Variants in ATP8A2 observed in about 807,000 individuals in gnomAD.
ATP8A2 encodes phospholipid-transporting ATPase IB.
Under a neutral mutation model 165.6 loss-of-function variants are expected in ATP8A2, and 100 were observed. The observed-to-expected ratio is 0.60, with a 90% CI of 0.51 to 0.71. ATP8A2 has a LOEUF of 0.71. Ranked by LOEUF, ATP8A2 falls within the 30% of genes least tolerant of loss-of-function variation. The pLI is 0.00. For missense variants in ATP8A2, 1,227 were observed against 1,479.5 expected (o/e 0.83, Z 2.80); for synonymous variants, 543 against 548.8 (o/e 0.99, Z 0.15).
chr13:25,783,999 A>G (rs1329361479), intron 27 of ATP8A2, among the ~76,000 whole-genome samples: 1 of 152,116 alleles, frequency 6.6e-6, no homozygotes, highest in East Asian at 1.9e-4. Context: ...AGCCAGAGAA[A>G]TACTAGCAGT....
chr13:25,609,534 G>GGGATTCAAATATCTATATATATATTT (rs2040604250), intron 24 of ATP8A2, among the ~76,000 whole-genome samples: 1 of 42,216 alleles, frequency 2.4e-5, no homozygotes, highest in Non-Finnish European at 7.2e-5. Flanking sequence ...ATATATATTT[G>GGGATTCAAATATCTATATATATATTT]GGATTCAAAT....
At chr13:25,503,337 A>G (rs913192569) in intron 2 of ATP8A2, among the ~76,000 whole-genome samples, 18 of 152,190 alleles carry the variant, frequency 1.2e-4, no homozygotes, top group African/African-American at 4.3e-4. Flanking sequence ...CCGAATGAAA[A>G]GGGAAGTAAC....
chr13:25,385,031 A>G (rs549277572), intron 1 of ATP8A2, among the ~76,000 whole-genome samples: 2 of 152,320 alleles, frequency 1.3e-5, no homozygotes, highest in African/African-American at 4.8e-5. Flanking sequence ...CATGTTCCAT[A>G]AACAGTGGGG....
intron 33 of ATP8A2, among the ~76,000 whole-genome samples, chr13:25,940,337 C>CA (rs756687068): frequency 2.0e-5 from 3 of 152,196 alleles, no homozygotes; most frequent in Non-Finnish European, 4.4e-5. Context: ...CCTTGGCCTT[C>CA]AGAGCTGCCG....
At chr13:25,461,744 T>C (rs192210383) in intron 1 of ATP8A2, among the ~76,000 whole-genome samples, 4 of 152,156 alleles carry the variant, frequency 2.6e-5, no homozygotes, top group African/African-American at 7.2e-5. Flanking sequence ...GGTTGTGAAT[T>C]GCAAAAGAAC....
At chr13:26,018,024 G>T (rs1358647974) in intron 36 of ATP8A2, among the ~76,000 whole-genome samples, 2 of 152,186 alleles carry the variant, frequency 1.3e-5, no homozygotes, top group Admixed American at 6.5e-5. Flanking sequence ...GTTCACCCTG[G>T]CTCAGCTTGT....
intron 24 of ATP8A2, among the ~76,000 whole-genome samples, chr13:25,662,397 T>G (rs920297470): frequency 1.3e-5 from 2 of 152,240 alleles, no homozygotes; most frequent in African/African-American, 4.8e-5. Flanking sequence ...GTGGTTGATT[T>G]AAGCCTAACT....
intron 35 of ATP8A2, among the ~76,000 whole-genome samples, chr13:26,002,683 T>C (rs967348489): frequency 2.6e-5 from 4 of 152,124 alleles, no homozygotes; most frequent in Non-Finnish European, 5.9e-5. Context: ...ATCATTGTAC[T>C]TTCTACTTCT....
chr13:25,567,972 C>T (rs576542474), intron 16 of ATP8A2, among the ~76,000 whole-genome samples: 11 of 152,300 alleles, frequency 7.2e-5, no homozygotes, highest in Admixed American at 6.5e-4. Context: ...GCTGCACATG[C>T]CCCACATTCT....
chr13:25,384,675 T>C (rs2032975566), intron 1 of ATP8A2, among the ~76,000 whole-genome samples: 1 of 152,240 alleles, frequency 6.6e-6, no homozygotes, highest in Admixed American at 6.5e-5. Flanking sequence ...GACTCTTTTT[T>C]CATAACAGCC....
chr13:25,459,060 C>G (rs2137472795), intron 1 of ATP8A2, among the ~76,000 whole-genome samples: 1 of 152,274 alleles, frequency 6.6e-6, no homozygotes, highest in African/African-American at 2.4e-5. Flanking sequence ...ATTCTGCAGA[C>G]CAGAGGAGGC....
At chr13:25,855,437 A>G (rs1952134690) in intron 30 of ATP8A2, among the ~76,000 whole-genome samples, 1 of 152,138 alleles carries the variant, frequency 6.6e-6, no homozygotes. Flanking sequence ...TCCATGTTGT[A>G]GCATGTATCA....
At chr13:25,394,881 C>G (rs1309928212) in intron 1 of ATP8A2, among the ~76,000 whole-genome samples, 1 of 152,168 alleles carries the variant, frequency 6.6e-6, no homozygotes, top group Non-Finnish European at 1.5e-5. Context: ...CATGACAAGC[C>G]TTACTAAAGC....
intron 1 of ATP8A2, among the ~76,000 whole-genome samples, chr13:25,412,058 C>T (rs2033982500): frequency 6.6e-6 from 1 of 152,122 alleles, no homozygotes; most frequent in Non-Finnish European, 1.5e-5. Context: ...TGACAATAGT[C>T]TGGATGAAAA....
intron 33 of ATP8A2, among the ~76,000 whole-genome samples, chr13:25,922,461 T>A (rs1334760121): frequency 6.6e-6 from 1 of 152,182 alleles, no homozygotes; most frequent in East Asian, 1.9e-4. Flanking sequence ...TAGAAGGAAG[T>A]TGACAACTAT....
chr13:25,821,797 A>G (rs1202912237), intron 27 of ATP8A2, among the ~76,000 whole-genome samples: 1 of 152,228 alleles, frequency 6.6e-6, no homozygotes, highest in African/African-American at 2.4e-5. Flanking sequence ...ACTCAATGCC[A>G]GTAGGCTCCT....
At chr13:25,679,585 T>C (rs1045378919) in intron 24 of ATP8A2, among the ~76,000 whole-genome samples, 2 of 152,194 alleles carry the variant, frequency 1.3e-5, no homozygotes, top group Non-Finnish European at 2.9e-5. Context: ...TTTCAATTCT[T>C]GGAGTTTAGG....
intron 33 of ATP8A2, among the ~76,000 whole-genome samples, chr13:25,933,784 A>T (rs1159224877): frequency 1.3e-5 from 2 of 152,246 alleles, no homozygotes; most frequent in African/African-American, 2.4e-5. Context: ...CCCAGAGTAC[A>T]TTTCAAGTGA....
intron 2 of ATP8A2, among the ~76,000 whole-genome samples, chr13:25,471,863 T>C (rs1007466481): frequency 1.3e-5 from 2 of 152,214 alleles, no homozygotes; most frequent in African/African-American, 2.4e-5. Context: ...AGCTATTGTA[T>C]TGAAAGCTTT....
Sources: allele counts gnomAD v4.1 joint callset (sites outside exome capture counted in the v4.1 genomes callset), GRCh38; gene constraint gnomAD v4.1.1; transcripts MANE v1.5; gene names NCBI Gene and HGNC (gene_info 2026-07-23, HGNC 2026-07-21).